Variants in UBE2E3 observed in about 807,000 individuals in gnomAD.
UBE2E3 encodes the protein ubiquitin-conjugating enzyme E2 E3.
UBE2E3 carries 5 observed loss-of-function variants against 23.6 expected under a neutral mutation model. That is an observed-to-expected ratio of 0.21 (90% CI 0.11 to 0.44). UBE2E3 has a LOEUF of 0.44. Among genes scored for constraint, UBE2E3 ranks in the 20% least tolerant of loss-of-function variants. UBE2E3 has a pLI of 0.99. For synonymous variants in UBE2E3, 78 were observed against 87.5 expected, an observed-to-expected ratio of 0.89 and a Z score of 0.60; for missense variants, 81 against 249.8, an observed-to-expected ratio of 0.32 and a Z score of 4.55.
chr2:181,039,408 G>C (rs368596633), intron 3 of UBE2E3, among the ~76,000 whole-genome samples: 4 of 152,054 alleles, frequency 2.6e-5, no homozygotes, highest in South Asian at 4.2e-4. Context: ...GAGCATTCTG[G>C]CTCCTGGAGC....
In UBE2E3 at chr2:180,994,693, G is replaced by A. The variant is rs141379686; in HGVS notation, c.245+10600G>A. 6.4e-3 allele frequency among the ~76,000 whole-genome samples: 981 copies of A among 152,228 alleles called. 13 individuals are homozygous for A. The highest frequency in any genetic ancestry group is 9.7e-3 in the Non-Finnish European group (662 of 67,986). On this transcript the variant is annotated intron_variant, in intron 3 of 5. Coordinates refer to ENST00000410062, the MANE Select transcript of UBE2E3 (RefSeq NM_006357.4). Reference sequence around the variant, plus strand: ...TTATACACGACTTTTTTCAATAAATGTATTGGAAAAATATTTAGAGATTTA... The same window carrying A: ...TTATACACGACTTTTTTCAATAAATATATTGGAAAAATATTTAGAGATTTA...
chr2:181,021,473 T>G (rs867282034), intron 3 of UBE2E3, among the ~76,000 whole-genome samples: 1 of 131,016 alleles, frequency 7.6e-6, no homozygotes, highest in African/African-American at 2.9e-5. Context: ...CTTTTTCTCT[T>G]TCTTTCTCTC....
chr2:181,013,218 A>G (rs1296004455), intron 3 of UBE2E3, among the ~76,000 whole-genome samples: 1 of 152,164 alleles, frequency 6.6e-6, no homozygotes, highest in Non-Finnish European at 1.5e-5. Context: ...TGTGTTATCT[A>G]TTGCTACTTA....
intron 3 of UBE2E3, among the ~76,000 whole-genome samples, chr2:181,032,534 G>A (rs1439648842): frequency 1.3e-5 from 2 of 151,790 alleles, no homozygotes; most frequent in East Asian, 3.9e-4. Flanking sequence ...TATATCTTAG[G>A]ACTTTCTCAT....
chr2:181,016,115 T>C (rs1574184591), intron 3 of UBE2E3, among the ~76,000 whole-genome samples: 1 of 152,036 alleles, frequency 6.6e-6, no homozygotes, highest in African/African-American at 2.4e-5. Flanking sequence ...TAAATACTAG[T>C]GAACAATGTA....
chr2:180,982,787 T>C (rs1463300579), intron 2 of UBE2E3, among the ~76,000 whole-genome samples: 3 of 152,216 alleles, frequency 2.0e-5, no homozygotes, highest in Non-Finnish European at 2.9e-5. Flanking sequence ...CTTTCCTGGT[T>C]AAATTATGAT....
intron 3 of UBE2E3, among the ~76,000 whole-genome samples, chr2:181,013,003 T>A (rs1265855378): frequency 2.6e-5 from 4 of 152,142 alleles, no homozygotes; most frequent in Non-Finnish European, 5.9e-5. Context: ...TTAATTTTTT[T>A]ATTTTTTACA....
intron 3 of UBE2E3, among the ~76,000 whole-genome samples, chr2:181,004,610 C>T (rs1231144207): frequency 6.6e-6 from 1 of 151,110 alleles, no homozygotes; most frequent in African/African-American, 2.4e-5. Flanking sequence ...CCCAGTCTGG[C>T]GAAGAGCGAG....
At chr2:181,002,105 A>G (rs944145249) in intron 3 of UBE2E3, among the ~76,000 whole-genome samples, 1 of 152,146 alleles carries the variant, frequency 6.6e-6, no homozygotes, top group African/African-American at 2.4e-5. Context: ...TTCCACACCT[A>G]GCATTTGCTG....
chr2:181,038,309 A>G (rs1205662220), intron 3 of UBE2E3, among the ~76,000 whole-genome samples: 4 of 152,208 alleles, frequency 2.6e-5, no homozygotes, highest in Non-Finnish European at 5.9e-5. Flanking sequence ...CCTGGGAGCA[A>G]TAGGCTATAC....
chr2:181,045,524 C>T (rs533580899), intron 3 of UBE2E3, among the ~76,000 whole-genome samples: 4 of 152,214 alleles, frequency 2.6e-5, no homozygotes, highest in South Asian at 4.1e-4. Flanking sequence ...CTGCTCTCCC[C>T]GTCTCCAGTT....
chr2:181,062,569 A>G (rs532392242), intron 5 of UBE2E3, among the ~76,000 whole-genome samples: 2 of 115,308 alleles, frequency 1.7e-5, no homozygotes, highest in African/African-American at 6.9e-5. Flanking sequence ...CTTTTTATAT[A>G]TAGCTCAAAA....
At chr2:181,058,466 A>G (rs1007357915) in intron 4 of UBE2E3, among the ~76,000 whole-genome samples, 1 of 151,610 alleles carries the variant, frequency 6.6e-6, no homozygotes, top group Admixed American at 6.6e-5. Flanking sequence ...AAATATAACA[A>G]TTACTTGAAT....
At chr2:181,002,921 G>C (rs1158641326) in intron 3 of UBE2E3, among the ~76,000 whole-genome samples, 1 of 152,248 alleles carries the variant, frequency 6.6e-6, no homozygotes, top group African/African-American at 2.4e-5. Context: ...GAGATAACTA[G>C]ATGTGAAAGG....
chr2:181,048,728 T>C (rs1686743170), intron 3 of UBE2E3, among the ~76,000 whole-genome samples: 1 of 152,108 alleles, frequency 6.6e-6, no homozygotes. Context: ...TAAATATGAT[T>C]CTTTCTAAAA....
At chr2:180,993,377 G>GT (rs1237888492) in intron 3 of UBE2E3, among the ~76,000 whole-genome samples, 11 of 152,236 alleles carry the variant, frequency 7.2e-5, no homozygotes, top group Admixed American at 5.9e-4. Flanking sequence ...CCATTCCAAA[G>GT]TTTTTTTGCT....
intron 3 of UBE2E3, among the ~76,000 whole-genome samples, chr2:181,023,790 ATCTACC>A (rs142235698): frequency 0.011 from 1,609 of 152,302 alleles, 30 homozygotes; most frequent in African/African-American, 0.037. Context: ...ATGATAAAAT[ATCTACC>A]TGATAATTTT....
At chr2:181,004,476 T>C (rs1344150496) in intron 3 of UBE2E3, among the ~76,000 whole-genome samples, 1 of 151,882 alleles carries the variant, frequency 6.6e-6, no homozygotes, top group Non-Finnish European at 1.5e-5. Context: ...CTACTAAAAA[T>C]ACAAAAATTA....
chr2:180,989,855 C>G (rs1323952629), intron 3 of UBE2E3: 27 of 1,534,568 alleles, frequency 1.8e-5, no homozygotes, highest in Non-Finnish European at 2.4e-5. Flanking sequence ...GTTGCTGTAA[C>G]AACAGATGGA....
Sources: allele counts gnomAD v4.1 joint callset (sites outside exome capture counted in the v4.1 genomes callset), GRCh38; gene constraint gnomAD v4.1.1; transcripts MANE v1.5; gene names NCBI Gene and HGNC (gene_info 2026-07-23, HGNC 2026-07-21).